The following SFMBT1 variants were observed in gnomAD, a reference collection of about 807,000 sequenced individuals.
SFMBT1 encodes the protein scm-like with four MBT domains protein 1.
In SFMBT1, 32 loss-of-function variants were observed where a neutral mutation model predicts 108.7. That is an observed-to-expected ratio of 0.29 (90% confidence interval 0.22 to 0.40). The LOEUF is 0.40. SFMBT1 is among the 10% of genes least tolerant of loss of function. The probability of loss-of-function intolerance (pLI) is 1.00; values close to 1 mark genes in which losing one functional copy is unlikely to be tolerated. For missense variants in SFMBT1, 816 were observed against 1,059.6 expected (o/e 0.77, Z 3.19); for synonymous variants, 348 against 369.5 (o/e 0.94, Z 0.67).
intron 1 of SFMBT1, among the ~76,000 whole-genome samples, chr3:52,986,329 T>C (rs1412787917): frequency 2.6e-5 from 4 of 152,132 alleles, no homozygotes; most frequent in Admixed American, 1.3e-4. Context: ...CCACATTAAA[T>C]TTGTTTTAAG....
In SFMBT1 at chr3:52,906,096, T is replaced by C. The variant is rs1702058159; in HGVS notation, c.2460+17A>G. 6.2e-6 allele frequency: 10 copies of C among 1,612,892 alleles called. No homozygotes were observed. The highest frequency in any genetic ancestry group is 1.3e-5 in the African/African-American group (1 of 74,930). The stretch of plus-strand genomic sequence containing the variant: ...GCTAAAGAGACATTACTAAAAATTA[T>C]AGGTATCTGTGATTACCTGGTCTAG... On this transcript the variant is annotated intron_variant, in intron 20 of 20. Transcript: ENST00000394752.
intron 1 of SFMBT1, among the ~76,000 whole-genome samples, chr3:53,013,001 AT>A (rs749051161): frequency 5.3e-5 from 8 of 151,746 alleles, no homozygotes; most frequent in Non-Finnish European, 1.0e-4. Flanking sequence ...AAAAAAACCC[AT>A]AAAAAATTAT....
intron 1 of SFMBT1, among the ~76,000 whole-genome samples, chr3:52,974,227 T>C (rs1452881502): frequency 6.6e-6 from 1 of 152,228 alleles, no homozygotes; most frequent in Non-Finnish European, 1.5e-5. Context: ...TTGAAATGTT[T>C]GAATTTGTAC....
intron 10 of SFMBT1, 98 bp from the exon 11 acceptor site, chr3:52,921,929 G>C (rs1702531216): frequency 1.0e-5 from 12 of 1,159,882 alleles, no homozygotes; most frequent in Non-Finnish European, 1.4e-5. Context: ...TTAATCCCTA[G>C]GTTTAAAGAT....
At chr3:53,034,587 A>T (rs939262853) in intron 1 of SFMBT1, among the ~76,000 whole-genome samples, 5 of 151,742 alleles carry the variant, frequency 3.3e-5, no homozygotes, top group African/African-American at 4.9e-5. Flanking sequence ...AAAATAAATA[A>T]ATTAATTAAT....
intron 1 of SFMBT1, among the ~76,000 whole-genome samples, chr3:52,996,350 C>T (rs577935351): frequency 6.8e-6 from 1 of 148,042 alleles, no homozygotes; most frequent in East Asian, 2.0e-4. Flanking sequence ...GTAGCTGGGA[C>T]TACAGGCGCA....
At chr3:52,962,191 A>C (rs1703980529) in intron 2 of SFMBT1, among the ~76,000 whole-genome samples, 1 of 152,224 alleles carries the variant, frequency 6.6e-6, no homozygotes, top group South Asian at 2.1e-4. Context: ...TATCCAACAA[A>C]ATTACATATG....
At chr3:53,020,779 G>A (rs376827305) in intron 1 of SFMBT1, among the ~76,000 whole-genome samples, 25 of 152,172 alleles carry the variant, frequency 1.6e-4, no homozygotes, top group African/African-American at 5.8e-4. Context: ...AGTAGAGGCC[G>A]GGTACGGTGG....
chr3:52,985,210 T>C (rs1481650607), intron 1 of SFMBT1, among the ~76,000 whole-genome samples: 1 of 152,136 alleles, frequency 6.6e-6, no homozygotes, highest in Non-Finnish European at 1.5e-5. Flanking sequence ...CCAATTCCAA[T>C]AGTATTATAA....
At chr3:52,992,630 C>T (rs892272886) in intron 1 of SFMBT1, among the ~76,000 whole-genome samples, 1 of 152,152 alleles carries the variant, frequency 6.6e-6, no homozygotes, top group African/African-American at 2.4e-5. Flanking sequence ...CTACTCCTTC[C>T]TCAGTATGTT....
At chr3:52,997,090 C>CA (rs1371458499) in intron 1 of SFMBT1, among the ~76,000 whole-genome samples, 3 of 145,884 alleles carry the variant, frequency 2.1e-5, no homozygotes, top group Non-Finnish European at 3.1e-5. Context: ...AAAACAAAAA[C>CA]AAAAAAAAAG....
At chr3:53,011,729 A>C (rs926829248) in intron 1 of SFMBT1, among the ~76,000 whole-genome samples, 4 of 152,272 alleles carry the variant, frequency 2.6e-5, no homozygotes, top group Non-Finnish European at 4.4e-5. Flanking sequence ...ATACTGGGAT[A>C]GTAGTTAAGA....
chr3:52,926,193 A>G, intron 9 of SFMBT1, 80 bp from the exon 10 acceptor site: 2 of 1,242,454 alleles, frequency 1.6e-6, no homozygotes, highest in Non-Finnish European at 2.3e-6. Flanking sequence ...CCAAGGGTCC[A>G]CTCACAACTT....
At chr3:52,968,700 C>T (rs1575409572) in intron 2 of SFMBT1, among the ~76,000 whole-genome samples, 1 of 150,870 alleles carries the variant, frequency 6.6e-6, no homozygotes, top group East Asian at 2.0e-4. Flanking sequence ...CCTGGGTTCA[C>T]ACCATTCTCC....
intron 1 of SFMBT1, among the ~76,000 whole-genome samples, chr3:53,045,596 G>A (rs1700208471): frequency 7.0e-6 from 1 of 141,850 alleles, no homozygotes; most frequent in Non-Finnish European, 1.6e-5. Context: ...GGCCGCGCGC[G>A]GGCGCCGCGC....
intron 1 of SFMBT1, among the ~76,000 whole-genome samples, chr3:52,971,574 A>T (rs1410477556): frequency 2.0e-5 from 3 of 152,164 alleles, no homozygotes; most frequent in African/African-American, 7.2e-5. Context: ...CCAGCTCCTT[A>T]CCAACCACTA....
At chr3:52,948,586 G>A (rs1164206708) in intron 3 of SFMBT1, among the ~76,000 whole-genome samples, 3 of 151,312 alleles carry the variant, frequency 2.0e-5, no homozygotes, top group Non-Finnish European at 4.4e-5. Context: ...CATGTATAAT[G>A]GTCTTTATTT....
rs139766047 is a variant in SFMBT1 at position 53,038,500 on chromosome 3, G to A, written c.-131+7316C>T. 8.1e-4 allele frequency among the ~76,000 whole-genome samples: 123 copies of A among 152,118 alleles called. 1 individual carries two copies. In the East Asian group the frequency reaches 0.022, roughly 27 times the overall value. On this transcript the variant is annotated intron_variant, in intron 1 of 20. Coordinates refer to ENST00000394752, the MANE Select transcript of SFMBT1 (RefSeq NM_016329.4). Reference sequence around the variant, plus strand: ...AGTAATTAAGAGATGGCCTCCCCCCGGTAACAAACAGTATTAGGAAACTCA... The same window carrying A: ...AGTAATTAAGAGATGGCCTCCCCCCAGTAACAAACAGTATTAGGAAACTCA...
intron 12 of SFMBT1, among the ~76,000 whole-genome samples, chr3:52,919,395 G>A (rs1702452238): frequency 6.6e-6 from 1 of 152,158 alleles, no homozygotes; most frequent in South Asian, 2.1e-4. Context: ...AACTCTGAGA[G>A]CAGTACACTA....
Sources: gnomAD v4.1 joint callset for allele counts (sites outside exome capture counted in the v4.1 genomes callset) on GRCh38, gnomAD v4.1.1 for gene constraint, MANE v1.5 for transcripts, NCBI Gene and HGNC (gene_info 2026-07-23, HGNC 2026-07-21) for gene names.